The following SDHB variants were observed in gnomAD, a reference collection of about 807,000 sequenced individuals.
The protein encoded by SDHB is succinate dehydrogenase [ubiquinone] iron-sulfur subunit, mitochondrial.
A neutral mutation model predicts 39.7 loss-of-function variants in SDHB; 21 were observed. The observed-to-expected ratio is 0.53, with a 90% CI of 0.37 to 0.76. The LOEUF is 0.76. Ranked by LOEUF, SDHB falls within the 30% of genes least tolerant of loss-of-function variation. The probability of loss-of-function intolerance (pLI) is 0.00; values close to 1 mark genes in which losing one functional copy is unlikely to be tolerated. For missense variants in SDHB, 343 were observed against 350.9 expected, an observed-to-expected ratio of 0.98 and a Z score of 0.18; for synonymous variants, 118 against 117.0, an observed-to-expected ratio of 1.01 and a Z score of -0.06.
intron 5 of SDHB, among the ~76,000 whole-genome samples, chr1:17,026,205 C>G (rs995417359): frequency 6.6e-6 from 1 of 152,144 alleles, no homozygotes; most frequent in Admixed American, 6.5e-5. Flanking sequence ...CTGGGATGCA[C>G]AAGACTCTGG....
chr1:17,043,048 G>A (rs1179485905), intron 2 of SDHB, among the ~76,000 whole-genome samples: 1 of 122,530 alleles, frequency 8.2e-6, no homozygotes, highest in Non-Finnish European at 1.6e-5. Flanking sequence ...TGCAACCTCC[G>A]CCTCCCAGGT....
intron 1 of SDHB, among the ~76,000 whole-genome samples, chr1:17,048,154 C>A (rs2078124051): frequency 6.6e-6 from 1 of 152,232 alleles, no homozygotes; most frequent in African/African-American, 2.4e-5. Flanking sequence ...CTCCCCTGTA[C>A]TCCGTAAGCC....
chr1:17,039,572 T>C (rs977292154), intron 2 of SDHB, among the ~76,000 whole-genome samples: 3 of 152,010 alleles, frequency 2.0e-5, no homozygotes, highest in Non-Finnish European at 2.9e-5. Flanking sequence ...TGAGCCATGA[T>C]TGTGCTACTG....
chr1:17,040,868 G>A (rs1219958161), intron 2 of SDHB, among the ~76,000 whole-genome samples: 3 of 152,072 alleles, frequency 2.0e-5, no homozygotes, highest in Non-Finnish European at 4.4e-5. Context: ...GGTGGCTCAC[G>A]TCTGGAATCC....
intron 3 of SDHB, among the ~76,000 whole-genome samples, chr1:17,029,093 G>GTTTTTTTTT (rs746243819): frequency 2.8e-4 from 20 of 72,026 alleles, no homozygotes; most frequent in East Asian, 2.1e-3. Context: ...AAATCAGCCT[G>GTTTTTTTTT]TTTTTTTTTT....
intron 3 of SDHB, among the ~76,000 whole-genome samples, chr1:17,031,369 T>A (rs906040297): frequency 6.6e-6 from 1 of 151,842 alleles, no homozygotes; most frequent in Admixed American, 6.6e-5. Flanking sequence ...AAAAAAAAAA[T>A]AAGAAAAACA....
At chr1:17,049,647 C>CTTTTTTTTTGTTTTTTTTTTTTTTTTT (rs2078133887) in intron 1 of SDHB, among the ~76,000 whole-genome samples, 1 of 52,064 alleles carries the variant, frequency 1.9e-5, no homozygotes, top group Admixed American at 3.6e-4. Context: ...TCCCCTAGTT[C>CTTTTTTTTTGTTTTTTTTTTTTTTTTT]TTTTTTTTTT....
rs149609158 is a variant in SDHB, at chr1:17,041,975, G to A, written c.200+2786C>T. On this transcript the variant is annotated intron_variant, in intron 2 of 7. Transcript: ENST00000375499. ...CTCACTCTGTTGCCCAGGCTGGAGTGCAGTGGTGTGATCTTGGCTCACTGC... is the reference window on the plus strand; with the variant it reads ...CTCACTCTGTTGCCCAGGCTGGAGTACAGTGGTGTGATCTTGGCTCACTGC... Among the ~76,000 whole-genome samples, 375 of 151,860 alleles carry A rather than the reference G, an allele frequency of 2.5e-3. 4 individuals are homozygous for A. The highest frequency in any genetic ancestry group is 0.018 in the Admixed American group (276 of 15,254).
At chr1:17,028,009 T>C in intron 4 of SDHB, 144 bp from the exon 5 acceptor site, 1 of 671,488 alleles carries the variant, frequency 1.5e-6, no homozygotes, top group Non-Finnish European at 2.7e-6. Flanking sequence ...TCCTTTGTCA[T>C]GAATATATGC....
At chr1:17,030,547 T>C (rs1018975642) in intron 3 of SDHB, among the ~76,000 whole-genome samples, 3 of 152,184 alleles carry the variant, frequency 2.0e-5, no homozygotes, top group African/African-American at 7.2e-5. Context: ...ACTTCCTGTA[T>C]ATGGAAATTT....
chr1:17,050,878 A>G (rs2078142710), intron 1 of SDHB, among the ~76,000 whole-genome samples: 1 of 152,200 alleles, frequency 6.6e-6, no homozygotes, highest in African/African-American at 2.4e-5. Flanking sequence ...AATTTGCCAG[A>G]TTTCATTCAT....
At chr1:17,051,714 T>A (rs928413786) in intron 1 of SDHB, among the ~76,000 whole-genome samples, 1 of 152,136 alleles carries the variant, frequency 6.6e-6, no homozygotes, top group African/African-American at 2.4e-5. Context: ...GGGTCAAGTT[T>A]CTAGCATAGC....
chr1:17,020,664 T>C (rs1370805820), intron 7 of SDHB, among the ~76,000 whole-genome samples: 3 of 152,244 alleles, frequency 2.0e-5, no homozygotes, highest in Non-Finnish European at 4.4e-5. Flanking sequence ...CTCATGTTTT[T>C]TTAAAAAATA....
intron 5 of SDHB, 34 bp downstream of exon 5, chr1:17,027,715 C>A (rs1280201712): frequency 8.1e-7 from 1 of 1,238,864 alleles, no homozygotes. Context: ...GCAATAAATT[C>A]TTCAGATTGA....
At chr1:17,035,854 T>C (rs2078047970) in intron 2 of SDHB, among the ~76,000 whole-genome samples, 1 of 151,348 alleles carries the variant, frequency 6.6e-6, no homozygotes, top group African/African-American at 2.4e-5. Context: ...AGCGAGACTG[T>C]CTCAAAAAAA....
Position 17,027,557 on chromosome 1 carries a change from C to A in SDHB, c.540+192G>T, listed in dbSNP as rs1293775260. 2.0e-5 allele frequency: 12 copies of A among 602,590 alleles called. No homozygotes were observed. The South Asian group carries it at 2.2e-4, about 11-fold the overall frequency. 37.3% of individuals were successfully genotyped at this position (602,590 alleles called of 1,614,324 possible). On this transcript the variant is annotated intron_variant, in intron 5 of 7. Coordinates refer to ENST00000375499, the MANE Select transcript of SDHB (RefSeq NM_003000.3). ...GGCACAGGGCTCTAGCTCCTTGGTC[C>A]ACTCTGGGCCATTCACGGGTTCACA...
At chr1:17,032,989 C>T in intron 3 of SDHB, 71 bp downstream of exon 3, 2 of 1,148,112 alleles carry the variant, frequency 1.7e-6, no homozygotes, top group South Asian at 1.2e-5. Flanking sequence ...ATGTCTCTAT[C>T]AGCTTTGGCC....
chr1:17,027,185 TG>T (rs1467068520), intron 5 of SDHB, among the ~76,000 whole-genome samples: 1 of 152,156 alleles, frequency 6.6e-6, no homozygotes, highest in Non-Finnish European at 1.5e-5. Flanking sequence ...GAAGAAAGAC[TG>T]AAAACTTGAT....
intron 1 of SDHB, among the ~76,000 whole-genome samples, chr1:17,047,373 C>CAA (rs1196570585): frequency 2.0e-5 from 3 of 151,552 alleles, no homozygotes; most frequent in Non-Finnish European, 4.4e-5. Flanking sequence ...CAAAACAAAA[C>CAA]AAAAAGAAGA....
Sources: allele counts gnomAD v4.1 joint callset (sites outside exome capture counted in the v4.1 genomes callset), GRCh38; gene constraint gnomAD v4.1.1; transcripts MANE v1.5; gene names NCBI Gene and HGNC (gene_info 2026-07-23, HGNC 2026-07-21).